EYS: variants seen among roughly 807,000 people sequenced by gnomAD.
The protein encoded by EYS is protein eyes shut homolog.
EYS carries 250 observed loss-of-function variants against 282.1 expected under a neutral mutation model. That is an observed-to-expected ratio of 0.89 (90% confidence interval 0.80 to 0.98). The LOEUF is 0.98. Among genes scored for constraint, EYS ranks in the 50% least tolerant of loss-of-function variants. EYS has a pLI of 0.00. For synonymous variants in EYS, 1,355 were observed against 1,282.9 expected (o/e 1.06, Z -1.20); for missense variants, 4,016 against 3,709.0 (o/e 1.08, Z -2.15).
At chr6:65,274,941 C>T (rs1179760998) in intron 12 of EYS, among the ~76,000 whole-genome samples, 1 of 147,434 alleles carries the variant, frequency 6.8e-6, no homozygotes, top group Non-Finnish European at 1.5e-5. Context: ...AGAGACAATA[C>T]CTAGTGGCCT....
rs1005775776 is a variant in EYS at position 64,436,133 on chromosome 6, C to T, written c.5927+41G>A. The T allele has an allele frequency of 3.7e-4, 451 of 1,221,368 alleles. 1 individual carries two copies. The highest frequency in any genetic ancestry group is 4.8e-4 in the Non-Finnish European group (416 of 872,348). The allele number at this position is 1,221,368 out of a possible 1,614,324, so 75.7% of individuals were successfully genotyped here. On this transcript the variant is annotated intron_variant, in intron 28 of 42. Transcript: ENST00000503581. ...ACAATATTGTTAGGGATAGCCTTTG[C>T]TACTTAATGAGATTAACTGGAAAAG... is the stretch of plus-strand genomic sequence containing the variant.
chr6:65,330,573 A>G (rs143908812), intron 11 of EYS: 14,289 of 975,198 alleles, frequency 0.015, 116 homozygotes, highest in Admixed American at 0.019. Context: ...TTTGCAATAC[A>G]TCATTTATAT....
intron 22 of EYS, among the ~76,000 whole-genome samples, chr6:64,768,707 G>T (rs1255016551): frequency 6.6e-6 from 1 of 152,126 alleles, no homozygotes; most frequent in Non-Finnish European, 1.5e-5. Flanking sequence ...CAGAAGCAAA[G>T]CTTTCTTATG....
At chr6:64,408,277 T>C (rs1304248498) in intron 28 of EYS, among the ~76,000 whole-genome samples, 1 of 152,248 alleles carries the variant, frequency 6.6e-6, no homozygotes, top group East Asian at 1.9e-4. Context: ...CTGTAAGACC[T>C]TTAGATATAA....
chr6:65,372,640 A>T (rs1007695565), intron 8 of EYS, among the ~76,000 whole-genome samples: 1 of 152,054 alleles, frequency 6.6e-6, no homozygotes, highest in Non-Finnish European at 1.5e-5. Context: ...TTGTAAAGCA[A>T]CAATTGTTTT....
chr6:64,586,227 C>A (rs1410675932), intron 26 of EYS, among the ~76,000 whole-genome samples: 2 of 152,000 alleles, frequency 1.3e-5, no homozygotes, highest in Non-Finnish European at 2.9e-5. Context: ...CATGAGGACA[C>A]CTCATTCTGG....
At chr6:64,346,567 G>A (rs981053839) in intron 29 of EYS, among the ~76,000 whole-genome samples, 1 of 151,676 alleles carries the variant, frequency 6.6e-6, no homozygotes, top group Non-Finnish European at 1.5e-5. Flanking sequence ...TGGGGGGAGT[G>A]GGGAGGGATA....
intron 12 of EYS, among the ~76,000 whole-genome samples, chr6:65,086,936 C>T (rs894622474): frequency 6.6e-6 from 1 of 151,956 alleles, no homozygotes; most frequent in African/African-American, 2.4e-5. Context: ...GATTCTCCTG[C>T]CTCAGCCCCC....
intron 22 of EYS, among the ~76,000 whole-genome samples, chr6:64,786,351 T>C (rs1412794227): frequency 6.6e-6 from 1 of 151,926 alleles, no homozygotes; most frequent in Non-Finnish European, 1.5e-5. Flanking sequence ...GCCAGGTGTA[T>C]ATATAGACGT....
intron 31 of EYS, among the ~76,000 whole-genome samples, chr6:64,105,611 C>T (rs1473704135): frequency 6.6e-6 from 1 of 152,106 alleles, no homozygotes; most frequent in Non-Finnish European, 1.5e-5. Context: ...CCCTCTCATC[C>T]CCTGGCAACC....
At chr6:65,470,490 A>T (rs987145756) in intron 5 of EYS, among the ~76,000 whole-genome samples, 4 of 152,148 alleles carry the variant, frequency 2.6e-5, no homozygotes, top group African/African-American at 7.2e-5. Context: ...CAGTCTTACC[A>T]ATCTAAATAT....
chr6:65,124,307 A>C (rs1775656082), intron 12 of EYS, among the ~76,000 whole-genome samples: 1 of 152,216 alleles, frequency 6.6e-6, no homozygotes. Flanking sequence ...CACATTGAGA[A>C]AATTTAAATA....
At chr6:64,540,649 A>AT (rs1764673363) in intron 26 of EYS, among the ~76,000 whole-genome samples, 1 of 151,616 alleles carries the variant, frequency 6.6e-6, no homozygotes, top group Admixed American at 6.6e-5. Flanking sequence ...CACCCAGGTA[A>AT]TTTTTTGTAT....
rs147777216 is a variant in EYS, at chr6:64,030,535, T to C, written c.6726-31352A>G. On this transcript the variant is annotated intron_variant, in intron 33 of 42. Coordinates refer to ENST00000503581, the MANE Select transcript of EYS (RefSeq NM_001142800.2). ...TCTGCACCTTCTTAGGGAAAGAGTG[T>C]TGTTTTTACACTAACCAGTCGGGGA... Among the ~76,000 whole-genome samples, 1,393 of 152,258 alleles carry C rather than the reference T, an allele frequency of 9.1e-3. 24 individuals carry two copies. Among genetic ancestry groups the C allele is most frequent in the African/African-American group, 0.031 (1,292 of 41,546 alleles).
At position 64,617,408 on chromosome 6, in the gene EYS, T is replaced by C; in HGVS notation, c.3684+10A>G. 3 of 1,495,310 alleles carry C rather than the reference T, an allele frequency of 2.0e-6. No homozygotes were observed. In the South Asian group the frequency reaches 3.6e-5, roughly 18 times the overall value. The allele number at this position is 1,495,310 out of a possible 1,614,324, so 92.6% of individuals were successfully genotyped here. On this transcript the variant is annotated intron_variant, in intron 24 of 42. Coordinates refer to ENST00000503581, the MANE Select transcript of EYS (RefSeq NM_001142800.2). The stretch of plus-strand genomic sequence containing the variant: ...AAATTATTACAACCACAACCACCAG[T>C]AATCTTTACCATAAATCCAGGTGTG...
intron 26 of EYS, among the ~76,000 whole-genome samples, chr6:64,571,136 C>A (rs1765712340): frequency 6.6e-6 from 1 of 152,136 alleles, no homozygotes; most frequent in Non-Finnish European, 1.5e-5. Context: ...TCACTCAAAA[C>A]CACACAACTA....
intron 35 of EYS, among the ~76,000 whole-genome samples, chr6:63,947,184 C>T (rs1218932904): frequency 6.6e-6 from 1 of 151,856 alleles, no homozygotes; most frequent in African/African-American, 2.4e-5. Flanking sequence ...ATTTTGGTAG[C>T]TGAGAGTTTG....
At chr6:65,402,314 A>G (rs1463189400) in intron 7 of EYS, among the ~76,000 whole-genome samples, 164 bp downstream of exon 7, 1 of 151,874 alleles carries the variant, frequency 6.6e-6, no homozygotes, top group Admixed American at 6.6e-5. Flanking sequence ...TACCACAACA[A>G]TTAACCCAAA....
chr6:64,454,463 T>C (rs980003150), intron 26 of EYS, among the ~76,000 whole-genome samples: 1 of 152,168 alleles, frequency 6.6e-6, no homozygotes, highest in African/African-American at 2.4e-5. Context: ...ATTCCATTGA[T>C]TTTACTGAAA....
Sources: gnomAD v4.1 joint callset for allele counts (sites outside exome capture counted in the v4.1 genomes callset) on GRCh38, gnomAD v4.1.1 for gene constraint, MANE v1.5 for transcripts, NCBI Gene and HGNC (gene_info 2026-07-23, HGNC 2026-07-21) for gene names.